The following PAX5 variants were observed in gnomAD, a reference collection of about 807,000 sequenced individuals.
The protein encoded by PAX5 is paired box 5, also known as paired box protein Pax-5.
Under a neutral mutation model 43.7 loss-of-function variants are expected in PAX5, and 9 were observed. The ratio of observed to expected loss-of-function variants is 0.21; its 90% CI spans 0.12 to 0.36. The LOEUF (loss-of-function observed/expected upper bound fraction) is 0.36, where lower values mean the gene tolerates loss of function less well. PAX5 is among the 10% of genes least tolerant of loss of function. The pLI is 1.00. For missense variants in PAX5, 383 were observed against 532.7 expected, an observed-to-expected ratio of 0.72 and a Z score of 2.77; for synonymous variants, 228 against 214.3, an observed-to-expected ratio of 1.06 and a Z score of -0.56.
intron 5 of PAX5, among the ~76,000 whole-genome samples, chr9:37,001,032 C>T (rs868416750): frequency 2.6e-5 from 4 of 152,236 alleles, no homozygotes; most frequent in Admixed American, 2.6e-4. Flanking sequence ...GGTCAATACC[C>T]CCAAATGGGC....
intron 6 of PAX5, among the ~76,000 whole-genome samples, chr9:36,947,825 G>A (rs1453211934): frequency 6.6e-6 from 1 of 150,614 alleles, no homozygotes; most frequent in Admixed American, 6.7e-5. Context: ...GAACGCATAT[G>A]CATATGTCTC....
At chr9:36,993,641 A>G (rs148299152) in intron 5 of PAX5, among the ~76,000 whole-genome samples, 2 of 152,374 alleles carry the variant, frequency 1.3e-5, no homozygotes, top group Non-Finnish European at 2.9e-5. Context: ...GGATTAAACC[A>G]TATTCCCAAG....
chr9:36,948,853 A>G (rs1832768281), intron 6 of PAX5, among the ~76,000 whole-genome samples: 1 of 151,306 alleles, frequency 6.6e-6, no homozygotes, highest in South Asian at 2.1e-4. Context: ...ACCCAGCCCT[A>G]CCCACCTGAG....
intron 1 of PAX5, among the ~76,000 whole-genome samples, chr9:37,033,703 G>A (rs1467643163): frequency 6.6e-6 from 1 of 152,030 alleles, no homozygotes; most frequent in African/African-American, 2.4e-5. Context: ...TGAACACACT[G>A]AGTCCCTTAT....
rs1327098634 is a variant in PAX5 at position 36,839,704 on chromosome 9, C to T, written c.*856G>A. 6.4e-5 allele frequency: 15 copies of T among 233,216 alleles called. No homozygotes were observed. Among genetic ancestry groups the T allele is most frequent in the Non-Finnish European group, 1.3e-4 (15 of 118,096 alleles). 14.4% of individuals were successfully genotyped at this position (233,216 alleles called of 1,614,324 possible). On this transcript the variant is annotated 3_prime_UTR_variant, in exon 10 of 10. Coordinates refer to ENST00000358127, the MANE Select transcript of PAX5 (RefSeq NM_016734.3). ...AGATGATCTCCTGCGTCCCATCCAG[C>T]CCTCACATTCAAAGTCCACAATGTA...
At chr9:37,020,548 T>C (rs1394742050) in intron 2 of PAX5, 88 bp downstream of exon 2, 1 of 1,334,980 alleles carries the variant, frequency 7.5e-7, no homozygotes, top group Non-Finnish European at 1.1e-6. Context: ...TGATTCTCAC[T>C]ATGATACTGT....
intron 5 of PAX5, among the ~76,000 whole-genome samples, chr9:36,971,580 C>T (rs942295868): frequency 2.0e-5 from 3 of 152,138 alleles, no homozygotes; most frequent in East Asian, 1.9e-4. Context: ...TGGACAGACA[C>T]GGGCAAAAGT....
chr9:37,007,999 C>T (rs1838599337), intron 3 of PAX5: 1 of 152,234 alleles, frequency 6.6e-6, no homozygotes, highest in African/African-American at 2.4e-5. Flanking sequence ...CCTGCCTCAT[C>T]CTCCCAAGTA....
At chr9:36,907,290 C>T (rs1033991042) in intron 7 of PAX5, among the ~76,000 whole-genome samples, 25 of 152,316 alleles carry the variant, frequency 1.6e-4, no homozygotes, top group African/African-American at 6.0e-4. Flanking sequence ...CTGAGGCAGC[C>T]TATTCAGCTT....
At chr9:36,873,675 G>T (rs147163164) in intron 8 of PAX5, among the ~76,000 whole-genome samples, 239 of 152,326 alleles carry the variant, frequency 1.6e-3, no homozygotes, top group African/African-American at 5.5e-3. Context: ...CTGATGCTTA[G>T]GTCACGGAGG....
chr9:36,952,202 T>G (rs966922718), intron 6 of PAX5, among the ~76,000 whole-genome samples: 1 of 151,572 alleles, frequency 6.6e-6, no homozygotes, highest in African/African-American at 2.4e-5. Context: ...GGATGAGTCC[T>G]TCTGTTTTTT....
intron 6 of PAX5, among the ~76,000 whole-genome samples, chr9:36,958,129 C>T (rs1833645187): frequency 6.6e-6 from 1 of 152,142 alleles, no homozygotes; most frequent in South Asian, 2.1e-4. Context: ...GTAGCCCTGC[C>T]CCTGCAGAAA....
chr9:36,856,170 A>C (rs1223346598), intron 8 of PAX5, among the ~76,000 whole-genome samples: 1 of 152,238 alleles, frequency 6.6e-6, no homozygotes. Flanking sequence ...CTGAGTGAGC[A>C]CTAAGTGTGC....
chr9:36,872,236 G>A (rs1218152033), intron 8 of PAX5, among the ~76,000 whole-genome samples: 1 of 152,202 alleles, frequency 6.6e-6, no homozygotes, highest in Non-Finnish European at 1.5e-5. Flanking sequence ...GTGATTACCA[G>A]ATTATACATG....
Position 36,944,884 on chromosome 9 carries a change from C to T in PAX5, c.781-21400G>A, listed in dbSNP as rs184579136. ...AGCATTTTTATTTCTAACCGGGGAC[C>T]GGAGGGATGCTGCTCTGTGCCTATG... On this transcript the variant is annotated intron_variant, in intron 6 of 9. Coordinates refer to ENST00000358127, the MANE Select transcript of PAX5 (RefSeq NM_016734.3). Among the ~76,000 whole-genome samples, 34 of 152,300 alleles carry T rather than the reference C, an allele frequency of 2.2e-4. 1 individual carries two copies. The highest frequency in any genetic ancestry group is 2.1e-4 in the South Asian group (1 of 4,830).
At chr9:36,930,577 A>G (rs1405781218) in intron 6 of PAX5, among the ~76,000 whole-genome samples, 2 of 152,172 alleles carry the variant, frequency 1.3e-5, no homozygotes, top group Non-Finnish European at 2.9e-5. Context: ...CAGTGGGGGA[A>G]AAAAGACTGA....
chr9:36,853,740 G>C (rs554632938), intron 8 of PAX5, among the ~76,000 whole-genome samples: 1 of 152,318 alleles, frequency 6.6e-6, no homozygotes, highest in Admixed American at 6.5e-5. Context: ...TTAAAAAGGG[G>C]TTATGATAAG....
At chr9:36,895,378 C>T (rs760512063) in intron 7 of PAX5, among the ~76,000 whole-genome samples, 11 of 152,206 alleles carry the variant, frequency 7.2e-5, no homozygotes, top group South Asian at 2.1e-4. Context: ...TCAGAACAAT[C>T]GTATGAGGTA....
intron 3 of PAX5, among the ~76,000 whole-genome samples, chr9:37,013,176 T>C (rs1276148219): frequency 6.6e-6 from 1 of 152,248 alleles, no homozygotes; most frequent in East Asian, 1.9e-4. Context: ...CTGCCTTCTC[T>C]TGAAGAATGC....
Sources: allele counts gnomAD v4.1 joint callset (sites outside exome capture counted in the v4.1 genomes callset), GRCh38; gene constraint gnomAD v4.1.1; transcripts MANE v1.5; gene names NCBI Gene and HGNC (gene_info 2026-07-23, HGNC 2026-07-21).